Variants in KLKB1 observed in about 807,000 individuals in gnomAD.
KLKB1 encodes the protein kallikrein B1, also known as plasma kallikrein.
In KLKB1, 58 loss-of-function variants were observed where a neutral mutation model predicts 73.6. The ratio of observed to expected loss-of-function variants is 0.79; its 90% confidence interval spans 0.64 to 0.98. The LOEUF is 0.98. Ranked by LOEUF, KLKB1 falls within the 50% of genes least tolerant of loss-of-function variation. The pLI is 0.00. For missense variants in KLKB1, 737 were observed against 763.8 expected (o/e 0.96, Z 0.41); for synonymous variants, 280 against 258.1 (o/e 1.08, Z -0.81).
At chr4:186,214,014 A>G (rs897667286) in intron 2 of KLKB1, among the ~76,000 whole-genome samples, 14 of 152,156 alleles carry the variant, frequency 9.2e-5, no homozygotes, top group African/African-American at 2.7e-4. Flanking sequence ...TTCTTAGGCA[A>G]TCCCACTTTC....
chr4:186,237,384 A>G (rs1263144562), intron 5 of KLKB1, among the ~76,000 whole-genome samples: 1 of 152,198 alleles, frequency 6.6e-6, no homozygotes, highest in Non-Finnish European at 1.5e-5. Flanking sequence ...GGCATGAGCC[A>G]CTGCGCCTCG....
upstream of KLKB1, among the ~76,000 whole-genome samples, chr4:186,224,295 G>C (rs1579988162): frequency 2.0e-5 from 3 of 152,352 alleles, no homozygotes; most frequent in Middle Eastern, 0.01. Context: ...GCCCAGTGGA[G>C]CTGTGAAAAG....
chr4:186,247,157 C>T (rs1580019229), intron 6 of KLKB1, among the ~76,000 whole-genome samples: 1 of 152,098 alleles, frequency 6.6e-6, no homozygotes, highest in Non-Finnish European at 1.5e-5. Flanking sequence ...GAGCAAAGAG[C>T]AGGGGGACAG....
chr4:186,250,498 A>G (rs1738614476), intron 7 of KLKB1, 96 bp downstream of exon 7: 1 of 1,425,930 alleles, frequency 7.0e-7, no homozygotes, highest in Admixed American at 1.7e-5. Flanking sequence ...AGTTCTTAAA[A>G]GTTTCGTTCA....
chr4:186,224,282 A>C (rs1397193731), upstream of KLKB1, among the ~76,000 whole-genome samples: 2 of 152,214 alleles, frequency 1.3e-5, no homozygotes, highest in African/African-American at 4.8e-5. Flanking sequence ...CCACTGGAGC[A>C]CTGCCCAGTG....
upstream of KLKB1, among the ~76,000 whole-genome samples, chr4:186,222,971 G>GTT (rs2126616203): frequency 6.6e-6 from 1 of 152,282 alleles, no homozygotes; most frequent in African/African-American, 2.4e-5. Flanking sequence ...ATCACGAGGT[G>GTT]TTTTCCCCCA....
chr4:186,234,723 G>T (rs1737567193), intron 4 of KLKB1, among the ~76,000 whole-genome samples: 4 of 152,208 alleles, frequency 2.6e-5, no homozygotes, highest in Admixed American at 2.6e-4. Context: ...GGACTAGGAT[G>T]CTAGAGAACT....
At chr4:186,238,602 C>T (rs1004697118) in intron 6 of KLKB1, among the ~76,000 whole-genome samples, 16 of 152,134 alleles carry the variant, frequency 1.1e-4, no homozygotes, top group South Asian at 4.1e-4. Flanking sequence ...AAGAGAGAGG[C>T]GGAAGGCTCA....
intron 11 of KLKB1, 57 bp downstream of exon 11, chr4:186,252,242 T>C: frequency 6.4e-7 from 1 of 1,551,570 alleles, no homozygotes; most frequent in Non-Finnish European, 8.9e-7. Flanking sequence ...TTTTGAAGGA[T>C]CTATGATCAG....
upstream of KLKB1, among the ~76,000 whole-genome samples, chr4:186,223,516 C>T (rs1193342477): frequency 6.6e-6 from 1 of 152,162 alleles, no homozygotes; most frequent in Non-Finnish European, 1.5e-5. Flanking sequence ...TATGCTTTAG[C>T]AGAGACTGGC....
chr4:186,236,758 C>G, intron 4 of KLKB1, 23 bp from the exon 5 acceptor site: 3 of 1,612,278 alleles, frequency 1.9e-6, no homozygotes, highest in Non-Finnish European at 2.5e-6. Context: ...ACTGTATTTG[C>G]TCTATGTATT....
chr4:186,245,752 G>T (rs953216695), intron 6 of KLKB1, among the ~76,000 whole-genome samples: 3 of 149,278 alleles, frequency 2.0e-5, no homozygotes, highest in Non-Finnish European at 4.4e-5. Flanking sequence ...TGAAGGCGAG[G>T]TTAATTAAGT....
At chr4:186,211,900 T>G (rs1372015739) in intron 2 of KLKB1, 1 of 152,212 alleles carries the variant, frequency 6.6e-6, no homozygotes, top group Non-Finnish European at 1.5e-5. Flanking sequence ...AGTCTTCATT[T>G]AATTCCTCAT....
At chr4:186,225,679 C>T (rs963039844), upstream of KLKB1, among the ~76,000 whole-genome samples, 3 of 152,010 alleles carry the variant, frequency 2.0e-5, no homozygotes, top group African/African-American at 7.2e-5. Flanking sequence ...CATGATCCAC[C>T]CATCTTGGCC....
chr4:186,242,712 G>A (rs1432926565), intron 6 of KLKB1, among the ~76,000 whole-genome samples: 2 of 152,162 alleles, frequency 1.3e-5, no homozygotes, highest in African/African-American at 4.8e-5. Flanking sequence ...GGGGTTCAGT[G>A]TAATTACTTG....
chr4:186,257,196 C>T, intron 13 of KLKB1, 30 bp from the exon 14 acceptor site: 2 of 1,323,934 alleles, frequency 1.5e-6, no homozygotes, highest in Non-Finnish European at 1.1e-6. Flanking sequence ...TATTAACTTC[C>T]CTCTGAGGTT....
upstream of KLKB1, among the ~76,000 whole-genome samples, chr4:186,222,910 C>T (rs1017122040): frequency 5.3e-5 from 8 of 152,100 alleles, no homozygotes; most frequent in African/African-American, 1.2e-4. Flanking sequence ...AATCTCATCT[C>T]GAATTGCAAT....
intron 2 of KLKB1, among the ~76,000 whole-genome samples, chr4:186,218,903 C>T (rs1736969136): frequency 6.6e-6 from 1 of 152,154 alleles, no homozygotes; most frequent in South Asian, 2.1e-4. Flanking sequence ...AGTCCCAAAA[C>T]CTCAAAAGCA....
chr4:186,252,037 A>G lies in KLKB1; in HGVS notation c.1165A>G (p.Thr389Ala), dbSNP rs1201162038. Residue 389 changes from threonine to alanine, a missense_variant, in exon 11 of 15, where the codon ACA (threonine) becomes GCA (alanine). Thr to Ala is a moderately conservative substitution (Grantham distance 58). Coordinates refer to ENST00000264690, the MANE Select transcript of KLKB1 (RefSeq NM_000892.5). Reference sequence around the variant, plus strand: ...TTCAGTCTGCACAACAAAAACAAGCACACGCATTGTTGGAGGAACAAACTC... The same window carrying G: ...TTCAGTCTGCACAACAAAAACAAGCGCACGCATTGTTGGAGGAACAAACTC... ...DNSVCTTKTS[T>A]RIVGGTNSSW... 1.9e-6 allele frequency: 3 copies of G among 1,614,200 alleles called. No individual in the cohort carries two copies. The highest frequency in any genetic ancestry group is 1.1e-5 in the South Asian group (1 of 91,082).
Sources: allele counts gnomAD v4.1 joint callset (sites outside exome capture counted in the v4.1 genomes callset), GRCh38; gene constraint gnomAD v4.1.1; transcripts MANE v1.5; gene names NCBI Gene and HGNC (gene_info 2026-07-23, HGNC 2026-07-21).